MTMR8: variants seen among roughly 807,000 people sequenced by gnomAD.
MTMR8 encodes the protein phosphatidylinositol-3,5-bisphosphate 3-phosphatase MTMR8.
A neutral mutation model predicts 39.3 loss-of-function variants in MTMR8; 65 were observed. The observed-to-expected ratio is 1.65, with a 90% CI of 1.35 to 2.03. The LOEUF is 2.03. Among genes scored for constraint, MTMR8 ranks in the 30% most tolerant of loss-of-function variants. The pLI is 0.00. For missense variants in MTMR8, 777 were observed against 538.9 expected, an observed-to-expected ratio of 1.44 and a Z score of -4.37; for synonymous variants, 245 against 185.2, an observed-to-expected ratio of 1.32 and a Z score of -2.62.
At chrX:64,276,358 A>T (rs1466801311) in intron 12 of MTMR8, among the ~76,000 whole-genome samples, 1 of 111,236 alleles carries the variant, frequency 9.0e-6, no homozygotes, top group Non-Finnish European at 1.9e-5. Context: ...GACCTAGAAC[A>T]TCTCTAGTTC....
At chrX:64,333,438 C>A (rs934819189) in intron 10 of MTMR8, among the ~76,000 whole-genome samples, 2 of 111,872 alleles carry the variant, frequency 1.8e-5, no homozygotes, top group Non-Finnish European at 3.8e-5. Context: ...ACCTAATCTC[C>A]ATGGAAAAGG....
chrX:64,335,287 A>G (rs1330783124), intron 10 of MTMR8, among the ~76,000 whole-genome samples: 1 of 110,702 alleles, frequency 9.0e-6, no homozygotes, highest in African/African-American at 3.3e-5. Context: ...ACCCGCCACC[A>G]TGTCTGGCTA....
chrX:64,395,281 CCAGGT>C, intron 1 of MTMR8, 54 bp downstream of exon 1: 8 of 1,161,486 alleles, frequency 6.9e-6, no homozygotes, highest in Non-Finnish European at 8.2e-6. Flanking sequence ...GTCTGGGCTC[CCAGGT>C]GAGCACCAAG....
chrX:64,343,588 A>G (rs1334275668), intron 8 of MTMR8, 23 bp downstream of exon 8: 5 of 1,044,795 alleles, frequency 4.8e-6, no homozygotes, highest in Non-Finnish European at 6.7e-6. Flanking sequence ...GTCAGTGCAA[A>G]TTTTAAAAGT....
chrX:64,268,548 T>G lies in MTMR8; in HGVS notation c.2104A>C (p.Lys702Gln). 8.3e-7 allele frequency: 1 copy of G among 1,204,576 alleles called. No homozygotes were observed. Among genetic ancestry groups the G allele is most frequent in the South Asian group, 1.8e-5 (1 of 55,607 alleles). ...KASTKEADYSKHQ is the reference protein window; with the variant it reads ...KASTKEADYSQHQ The stretch of plus-strand genomic sequence containing the variant: ...GATGAGTAACTAACTCACTGATGCT[T>G]GGAGTAGTCTGCCTCCTTGGTGCTG... The change falls in exon 14 of 14, where the codon AAG becomes CAG. Residue 702 changes from lysine (K) to glutamine (Q), a missense_variant. Physicochemically the swap from Lys to Gln is moderately conservative, Grantham distance 53. Coordinates refer to ENST00000374852, the MANE Select transcript of MTMR8 (RefSeq NM_017677.4).
chrX:64,289,300 T>C (rs142322269), intron 12 of MTMR8, among the ~76,000 whole-genome samples: 1,109 of 110,764 alleles, frequency 0.01, 24 homozygotes, highest in African/African-American at 0.035. Flanking sequence ...GTGGAAAAAT[T>C]GGAAACCTTG....
intron 12 of MTMR8, among the ~76,000 whole-genome samples, chrX:64,315,034 C>T (rs1345682168): frequency 8.9e-6 from 1 of 111,852 alleles, no homozygotes; most frequent in Non-Finnish European, 1.9e-5. Context: ...AGACTAAAGT[C>T]TACTATGACA....
chrX:64,347,243 T>TA (rs781305397), intron 6 of MTMR8, among the ~76,000 whole-genome samples: 77 of 110,421 alleles, frequency 7.0e-4, no homozygotes, highest in Non-Finnish European at 8.7e-4. Flanking sequence ...TGGAACCTGT[T>TA]AAAAAAAAGG....
chrX:64,325,138 G>T (rs1922756547), intron 12 of MTMR8, among the ~76,000 whole-genome samples: 1 of 111,741 alleles, frequency 8.9e-6, no homozygotes, highest in African/African-American at 3.3e-5. Flanking sequence ...CAGACCAATA[G>T]TGAGTAATGA....
intron 1 of MTMR8, among the ~76,000 whole-genome samples, chrX:64,379,815 A>G (rs1569232680): frequency 8.9e-6 from 1 of 112,023 alleles, no homozygotes; most frequent in East Asian, 2.8e-4. Context: ...AACAATGTAT[A>G]AAAATAATTA....
intron 1 of MTMR8, among the ~76,000 whole-genome samples, chrX:64,383,385 A>G (rs929045859): frequency 9.1e-6 from 1 of 109,393 alleles, no homozygotes; most frequent in Non-Finnish European, 1.9e-5. Flanking sequence ...ATTTATAATT[A>G]TATAGAATTC....
At chrX:64,306,179 G>A (rs949897543) in intron 12 of MTMR8, 12 of 297,739 alleles carry the variant, frequency 4.0e-5, no homozygotes, top group African/African-American at 8.3e-5. Flanking sequence ...TCTCTACATC[G>A]GGAGGACCAT....
At chrX:64,379,552 C>T (rs1924356279) in intron 1 of MTMR8, among the ~76,000 whole-genome samples, 1 of 111,383 alleles carries the variant, frequency 9.0e-6, no homozygotes, top group African/African-American at 3.3e-5. Flanking sequence ...TAACCCAGTC[C>T]TCTCCTCTAG....
intron 12 of MTMR8, among the ~76,000 whole-genome samples, chrX:64,290,652 C>T (rs983308886): frequency 9.0e-6 from 1 of 111,097 alleles, no homozygotes; most frequent in Admixed American, 9.6e-5. Flanking sequence ...TGTCCTTAGC[C>T]CTTCATAACC....
chrX:64,334,804 C>T (rs1174248873), intron 10 of MTMR8, among the ~76,000 whole-genome samples: 1 of 111,533 alleles, frequency 9.0e-6, no homozygotes, highest in Non-Finnish European at 1.9e-5. Context: ...CTTTAAATCT[C>T]AGTTAAAATG....
At chrX:64,375,570 G>A (rs760824788) in intron 1 of MTMR8, among the ~76,000 whole-genome samples, 1 of 110,962 alleles carries the variant, frequency 9.0e-6, no homozygotes, top group East Asian at 2.9e-4. Context: ...ATTAACAGGT[G>A]GGGTATTTAG....
Position 64,345,174 on chromosome X carries a change from T to C in MTMR8, c.736A>G (p.Asn246Asp), listed in dbSNP as rs759091557. 40 of 1,209,167 alleles carry C rather than the reference T, an allele frequency of 3.3e-5. No homozygotes were observed. Among genetic ancestry groups the C allele is most frequent in the Non-Finnish European group, 4.4e-5 (39 of 894,556 alleles). The change falls in exon 7 of 14, where the codon AAT (asparagine) becomes GAT (aspartate). Residue 246 changes from asparagine to aspartate, a missense_variant. Coordinates refer to ENST00000374852, the MANE Select transcript of MTMR8 (RefSeq NM_017677.4). ...MYVVDTRPKLNAMANRAAGKG... is the reference protein window; with the variant it reads ...MYVVDTRPKLDAMANRAAGKG... Reference sequence around the variant, plus strand: ...CCAGCTGCTCGGTTGGCCATGGCATTCAACTGCAATAGCAGAGGACATAAT... The same window carrying C: ...CCAGCTGCTCGGTTGGCCATGGCATCCAACTGCAATAGCAGAGGACATAAT...
At chrX:64,309,451 C>T (rs1381318424) in intron 12 of MTMR8, among the ~76,000 whole-genome samples, 1 of 105,815 alleles carries the variant, frequency 9.5e-6, no homozygotes, top group Non-Finnish European at 1.9e-5. Flanking sequence ...TTATATTAAA[C>T]TTGTAAATGC....
At chrX:64,287,863 C>A (rs187896937) in intron 12 of MTMR8, among the ~76,000 whole-genome samples, 1 of 105,791 alleles carries the variant, frequency 9.5e-6, no homozygotes, top group Non-Finnish European at 1.9e-5. Flanking sequence ...CATAAAAACC[C>A]TAGAAGAAAA....
Sources: allele counts gnomAD v4.1 joint callset (sites outside exome capture counted in the v4.1 genomes callset), GRCh38; gene constraint gnomAD v4.1.1; transcripts MANE v1.5; gene names NCBI Gene and HGNC (gene_info 2026-07-23, HGNC 2026-07-21).